Variants in MED12L observed in about 807,000 individuals in gnomAD.
MED12L encodes the protein mediator complex subunit 12L.
MED12L carries 60 observed loss-of-function variants against 281.3 expected under a neutral mutation model. That is an observed-to-expected ratio of 0.21 (90% CI 0.17 to 0.26). The LOEUF (loss-of-function observed/expected upper bound fraction) is 0.26. Ranked by LOEUF, MED12L falls within the 10% of genes least tolerant of loss-of-function variation. MED12L has a pLI of 1.00. For synonymous variants in MED12L, 974 were observed against 987.2 expected, an observed-to-expected ratio of 0.99 and a Z score of 0.25; for missense variants, 2,146 against 2,680.9, an observed-to-expected ratio of 0.80 and a Z score of 4.41.
chr3:151,422,819 C>CT (rs34923048), intron 43 of MED12L, among the ~76,000 whole-genome samples: 85,832 of 130,830 alleles, frequency 0.66, 28,662 homozygotes, highest in Middle Eastern at 0.81. Flanking sequence ...TGATTCATTG[C>CT]TTTTTTTTTT....
At position 151,156,090 on chromosome 3, in the gene MED12L, G is replaced by A. The variant is rs1291334784; in HGVS notation, c.557-71G>A. 3.8e-6 allele frequency: 5 copies of A among 1,299,936 alleles called. No individual in the cohort carries two copies. The African/African-American group carries it at 7.5e-5, about 19-fold the overall frequency. The allele number at this position is 1,299,936 out of a possible 1,614,324, so 80.5% of individuals were successfully genotyped here. On this transcript the variant is annotated intron_variant, in intron 5 of 44. Transcript: ENST00000687756. ...AGTACACCCTCGAGATAATCAGAAT[G>A]GGGAAGAAAACATGTAATTCTTGTA...
intron 16 of MED12L, among the ~76,000 whole-genome samples, chr3:151,306,046 CATT>C (rs770114042): frequency 2.0e-5 from 3 of 152,192 alleles, no homozygotes; most frequent in Non-Finnish European, 4.4e-5. Flanking sequence ...CTTTCAGGAG[CATT>C]ACCTGCCGGG....
At chr3:151,261,043 A>G (rs1310050562) in intron 16 of MED12L, among the ~76,000 whole-genome samples, 1 of 152,132 alleles carries the variant, frequency 6.6e-6, no homozygotes, top group East Asian at 1.9e-4. Context: ...GTGTTTAACA[A>G]TGGAATGTCA....
chr3:151,217,364 T>A (rs965772965), intron 16 of MED12L, among the ~76,000 whole-genome samples: 1 of 152,218 alleles, frequency 6.6e-6, no homozygotes, highest in Non-Finnish European at 1.5e-5. Context: ...AGAACTCTGC[T>A]CTCAGATTCC....
Position 151,436,005 on chromosome 3 carries a change from C to CTTTT in MED12L, c.*3203_*3206dup, listed in dbSNP as rs34012038. The stretch of plus-strand genomic sequence containing the variant: ...AGAAGTTTCATTGTATTTTTAAAAC[C>CTTTT]TTTTTAATGGGTGTATTTGGACAAA... On this transcript the variant is annotated 3_prime_UTR_variant, in exon 45 of 45. Coordinates refer to ENST00000687756, the MANE Select transcript of MED12L (RefSeq NM_001393769.1). 6.6e-6 allele frequency: 1 copy of CTTTT among 152,206 alleles called. No individual in the cohort carries two copies. The highest frequency in any genetic ancestry group is 1.9e-4 in the East Asian group (1 of 5,180). 9.4% of individuals were successfully genotyped at this position (152,206 alleles called of 1,614,324 possible).
intron 16 of MED12L, among the ~76,000 whole-genome samples, chr3:151,332,976 A>T (rs4679792): frequency 0.63 from 95,271 of 151,458 alleles, 29,970 homozygotes; most frequent in South Asian, 0.77. Context: ...AGCTCCCACT[A>T]ACAAGTGACA....
At chr3:151,357,090 A>G (rs1754024969) in intron 19 of MED12L, 123 bp from the exon 20 acceptor site, 4 of 873,886 alleles carry the variant, frequency 4.6e-6, no homozygotes, top group Non-Finnish European at 3.4e-6. Flanking sequence ...ATTTTAAAAA[A>G]GTTAAATTTA....
intron 38 of MED12L, among the ~76,000 whole-genome samples, chr3:151,390,769 A>C (rs1446158652): frequency 6.6e-6 from 1 of 152,180 alleles, no homozygotes; most frequent in Non-Finnish European, 1.5e-5. Flanking sequence ...TTTAACAAAT[A>C]ATTTTTTAAA....
intron 39 of MED12L, among the ~76,000 whole-genome samples, chr3:151,406,413 A>C (rs1176369905): frequency 1.3e-5 from 2 of 152,210 alleles, no homozygotes; most frequent in Non-Finnish European, 2.9e-5. Flanking sequence ...TCATTCTGAT[A>C]GGAGAGATTA....
chr3:151,369,728 G>A (rs1755949165), intron 26 of MED12L, among the ~76,000 whole-genome samples, 179 bp downstream of exon 26: 1 of 152,118 alleles, frequency 6.6e-6, no homozygotes, highest in Non-Finnish European at 1.5e-5. Flanking sequence ...GGAAGATCCT[G>A]TCCCTTATCT....
intron 16 of MED12L, among the ~76,000 whole-genome samples, chr3:151,245,532 C>T (rs1234864275): frequency 1.3e-5 from 2 of 148,342 alleles, no homozygotes; most frequent in African/African-American, 2.5e-5. Context: ...ATGATTATCT[C>T]AATAGATGCA....
intron 2 of MED12L, among the ~76,000 whole-genome samples, chr3:151,091,190 C>T (rs1242657978): frequency 6.6e-6 from 1 of 152,152 alleles, no homozygotes; most frequent in Non-Finnish European, 1.5e-5. Context: ...TAGAGCCCCA[C>T]CAGCAGGGAC....
intron 17 of MED12L, among the ~76,000 whole-genome samples, chr3:151,350,733 CA>C (rs1301956366): frequency 6.6e-6 from 1 of 151,820 alleles, no homozygotes; most frequent in Non-Finnish European, 1.5e-5. Flanking sequence ...CCTATATCTC[CA>C]AATGATTTCA....
At position 151,377,187 on chromosome 3, in the gene MED12L, G is replaced by T. The variant is rs1336462722; in HGVS notation, c.4316+9G>T. ...ATAAAGACATTCCTAAGGTATTTTTGTCTGTTGTTTTATTGAACTGTCATG... is the reference window on the plus strand; with the variant it reads ...ATAAAGACATTCCTAAGGTATTTTTTTCTGTTGTTTTATTGAACTGTCATG... On this transcript the variant is annotated intron_variant, in intron 30 of 44. Coordinates refer to ENST00000687756, the MANE Select transcript of MED12L (RefSeq NM_001393769.1). 1 of 1,599,788 alleles carries T rather than the reference G, an allele frequency of 6.3e-7. No homozygotes were observed. The highest frequency in any genetic ancestry group is 8.5e-7 in the Non-Finnish European group (1 of 1,174,452).
intron 13 of MED12L, among the ~76,000 whole-genome samples, chr3:151,189,655 A>G (rs60816259): frequency 0.041 from 6,246 of 152,308 alleles, 425 homozygotes; most frequent in African/African-American, 0.14. Context: ...GCAAGAGGAA[A>G]CATTTAGGTT....
At chr3:151,405,192 A>G (rs751942659) in intron 39 of MED12L, among the ~76,000 whole-genome samples, 1 of 152,218 alleles carries the variant, frequency 6.6e-6, no homozygotes, top group Non-Finnish European at 1.5e-5. Context: ...TAGAAAGTAC[A>G]TATTTATTTA....
At chr3:151,264,285 G>C (rs1333163784) in intron 16 of MED12L, among the ~76,000 whole-genome samples, 1 of 152,172 alleles carries the variant, frequency 6.6e-6, no homozygotes, top group Non-Finnish European at 1.5e-5. Context: ...CTTGTTTGCT[G>C]TGACATCAAA....
rs927290716 is a variant in MED12L at position 151,436,248 on chromosome 3, T to G, written c.*3444T>G. 1 of 154,656 alleles carries G rather than the reference T, an allele frequency of 6.5e-6. No individual in the cohort carries two copies. The highest frequency in any genetic ancestry group is 1.9e-4 in the East Asian group (1 of 5,254). The allele number at this position is 154,656 out of a possible 1,614,324, so 9.6% of individuals were successfully genotyped here. On this transcript the variant is annotated 3_prime_UTR_variant, in exon 45 of 45. Coordinates refer to ENST00000687756, the MANE Select transcript of MED12L (RefSeq NM_001393769.1). The stretch of plus-strand genomic sequence containing the variant: ...AAAAATTTATAAACCACAAAATATT[T>G]ATACATCAGGATGGTAAATTTACAT...
intron 32 of MED12L, 82 bp downstream of exon 32, chr3:151,380,306 AT>A: frequency 1.0e-6 from 1 of 953,382 alleles, no homozygotes; most frequent in Non-Finnish European, 1.6e-6. Flanking sequence ...CTGAGATTAA[AT>A]TAATAAGGGC....
Sources: gnomAD v4.1 joint callset for allele counts (sites outside exome capture counted in the v4.1 genomes callset) on GRCh38, gnomAD v4.1.1 for gene constraint, MANE v1.5 for transcripts, NCBI Gene and HGNC (gene_info 2026-07-23, HGNC 2026-07-21) for gene names.